Variants in RABGAP1L observed in about 807,000 individuals in gnomAD.
RABGAP1L encodes rab GTPase-activating protein 1-like.
A neutral mutation model predicts 137.7 loss-of-function variants in RABGAP1L; 63 were observed. The ratio of observed to expected loss-of-function variants is 0.46; its 90% CI spans 0.37 to 0.56. The LOEUF is 0.56. Among genes scored for constraint, RABGAP1L ranks in the 20% least tolerant of loss-of-function variants. The probability of loss-of-function intolerance (pLI) is 0.00; values close to 1 mark genes in which losing one functional copy is unlikely to be tolerated. For synonymous variants in RABGAP1L, 431 were observed against 433.7 expected, an observed-to-expected ratio of 0.99 and a Z score of 0.08; for missense variants, 1,095 against 1,244.0, an observed-to-expected ratio of 0.88 and a Z score of 1.80.
intron 14 of RABGAP1L, among the ~76,000 whole-genome samples, chr1:174,658,210 A>G (rs532819633): frequency 1.3e-5 from 2 of 152,136 alleles, no homozygotes; most frequent in Non-Finnish European, 2.9e-5. Flanking sequence ...TATTTGGTCA[A>G]TTTCTAGAGT....
At chr1:174,327,662 A>C (rs1680554208) in intron 11 of RABGAP1L, among the ~76,000 whole-genome samples, 5 of 152,024 alleles carry the variant, frequency 3.3e-5, no homozygotes, top group South Asian at 2.1e-4. Flanking sequence ...AATTAACTTG[A>C]GTGTAAATTG....
At chr1:174,362,268 G>A (rs909323318) in intron 11 of RABGAP1L, among the ~76,000 whole-genome samples, 1 of 152,136 alleles carries the variant, frequency 6.6e-6, no homozygotes, top group Non-Finnish European at 1.5e-5. Flanking sequence ...CTTTATAATA[G>A]AACAATTTAT....
At chr1:174,458,409 T>C (rs1350872331) in intron 13 of RABGAP1L, among the ~76,000 whole-genome samples, 2 of 152,014 alleles carry the variant, frequency 1.3e-5, no homozygotes, top group African/African-American at 4.8e-5. Context: ...CTTTGTATGC[T>C]ACTCACAGTA....
intron 12 of RABGAP1L, among the ~76,000 whole-genome samples, chr1:174,385,048 T>G (rs1237957986): frequency 1.3e-5 from 2 of 152,224 alleles, no homozygotes; most frequent in Non-Finnish European, 2.9e-5. Context: ...ATATTTTGAT[T>G]TAGCCATTTT....
chr1:174,295,393 C>CT (rs1021299491), intron 10 of RABGAP1L, among the ~76,000 whole-genome samples: 3 of 151,210 alleles, frequency 2.0e-5, no homozygotes, highest in Non-Finnish European at 4.4e-5. Context: ...TTCTTTCTTT[C>CT]TTTTTTTTGA....
At chr1:174,278,192 C>T (rs1187549318) in intron 9 of RABGAP1L, among the ~76,000 whole-genome samples, 7 of 152,118 alleles carry the variant, frequency 4.6e-5, no homozygotes, top group Admixed American at 2.0e-4. Flanking sequence ...CACCAGAGGT[C>T]AGGAGTTTGA....
At chr1:174,656,062 A>AT (rs1195600593) in intron 14 of RABGAP1L, among the ~76,000 whole-genome samples, 2 of 152,228 alleles carry the variant, frequency 1.3e-5, no homozygotes, top group Non-Finnish European at 2.9e-5. Context: ...TAAGGAATCT[A>AT]TATGTATATA....
intron 19 of RABGAP1L, among the ~76,000 whole-genome samples, chr1:174,836,408 C>T (rs1460889420): frequency 6.6e-6 from 1 of 152,188 alleles, no homozygotes; most frequent in East Asian, 1.9e-4. Context: ...CTATTTCTTT[C>T]CACCTGCTAA....
At chr1:174,212,216 C>T (rs1449483680) in intron 1 of RABGAP1L, among the ~76,000 whole-genome samples, 5 of 151,982 alleles carry the variant, frequency 3.3e-5, no homozygotes, top group Admixed American at 6.6e-5. Flanking sequence ...TAAGGATAGA[C>T]CGTACTTAGG....
intron 13 of RABGAP1L, among the ~76,000 whole-genome samples, chr1:174,608,704 G>A (rs1027999351): frequency 9.2e-5 from 14 of 152,032 alleles, no homozygotes; most frequent in Admixed American, 8.5e-4. Flanking sequence ...TGAGGGTAAC[G>A]GGACAATATT....
At chr1:174,450,433 A>G (rs1558245279) in intron 13 of RABGAP1L, among the ~76,000 whole-genome samples, 1 of 152,168 alleles carries the variant, frequency 6.6e-6, no homozygotes, top group Non-Finnish European at 1.5e-5. Flanking sequence ...TAAGTTGTCA[A>G]CATTGGAAAA....
intron 18 of RABGAP1L, among the ~76,000 whole-genome samples, chr1:174,776,743 A>G (rs1686558625): frequency 1.3e-5 from 2 of 152,192 alleles, no homozygotes; most frequent in Non-Finnish European, 2.9e-5. Context: ...TAAAATCACA[A>G]ACTGGAGTCA....
intron 13 of RABGAP1L, among the ~76,000 whole-genome samples, chr1:174,453,300 T>C (rs986389414): frequency 2.0e-5 from 3 of 152,244 alleles, no homozygotes; most frequent in Non-Finnish European, 4.4e-5. Context: ...TGAAGTATTT[T>C]GTCATATATC....
At chr1:174,332,662 T>C (rs1280552160) in intron 11 of RABGAP1L, among the ~76,000 whole-genome samples, 3 of 152,076 alleles carry the variant, frequency 2.0e-5, no homozygotes, top group African/African-American at 7.2e-5. Flanking sequence ...TTCCAAAGTG[T>C]TGGGATTACA....
intron 13 of RABGAP1L, among the ~76,000 whole-genome samples, chr1:174,495,540 A>C (rs1660662867): frequency 6.6e-6 from 1 of 152,174 alleles, no homozygotes; most frequent in South Asian, 2.1e-4. Context: ...ATCCAAAAGG[A>C]TCTAATTGTA....
At chr1:174,615,145 A>G (rs912842839) in intron 13 of RABGAP1L, among the ~76,000 whole-genome samples, 2 of 152,224 alleles carry the variant, frequency 1.3e-5, no homozygotes, top group African/African-American at 4.8e-5. Flanking sequence ...TTGGAGGAGA[A>G]GAGGTGCTCT....
chr1:174,317,353 A>T (rs991387483), intron 11 of RABGAP1L, among the ~76,000 whole-genome samples: 16 of 152,080 alleles, frequency 1.1e-4, no homozygotes, highest in Non-Finnish European at 1.9e-4. Context: ...CTCTTCAGAT[A>T]GCAGGTGATG....
chr1:174,894,700 T>C (rs974765625), intron 19 of RABGAP1L, among the ~76,000 whole-genome samples: 1 of 151,980 alleles, frequency 6.6e-6, no homozygotes, highest in Non-Finnish European at 1.5e-5. Context: ...GAGAGGACTG[T>C]CGAGACTAGA....
intron 19 of RABGAP1L, among the ~76,000 whole-genome samples, chr1:174,942,535 T>G (rs1176817721): frequency 6.6e-6 from 1 of 152,234 alleles, no homozygotes; most frequent in African/African-American, 2.4e-5. Flanking sequence ...ATCCCCACTT[T>G]ACTAGCTGTG....
Sources: allele counts gnomAD v4.1 joint callset (sites outside exome capture counted in the v4.1 genomes callset), GRCh38; gene constraint gnomAD v4.1.1; transcripts MANE v1.5; gene names NCBI Gene and HGNC (gene_info 2026-07-23, HGNC 2026-07-21).